ESCO2: variants seen among roughly 807,000 people sequenced by gnomAD.
ESCO2 encodes establishment of sister chromatid cohesion N-acetyltransferase 2.
A neutral mutation model predicts 61.7 loss-of-function variants in ESCO2; 51 were observed. The observed-to-expected ratio is 0.83, with a 90% CI of 0.66 to 1.04. The LOEUF is 1.04. Among genes scored for constraint, ESCO2 ranks in the 50% least tolerant of loss-of-function variants. The pLI is 0.00. For missense variants in ESCO2, 692 were observed against 686.2 expected, an observed-to-expected ratio of 1.01 and a Z score of -0.09; for synonymous variants, 230 against 238.2, an observed-to-expected ratio of 0.97 and a Z score of 0.32.
chr8:27,776,073 T>A (rs1804782662), intron 2 of ESCO2, among the ~76,000 whole-genome samples: 1 of 152,242 alleles, frequency 6.6e-6, no homozygotes. Flanking sequence ...ATAATTTATA[T>A]ATGGCCAACA....
the ESCO2 span, among the ~76,000 whole-genome samples, chr8:27,817,812 G>A: frequency 1.2e-4 from 18 of 152,166 alleles, no homozygotes; most frequent in African/African-American, 3.9e-4. Flanking sequence ...TCATTTCTGA[G>A]CTTGAGCATT....
At chr8:27,807,035 C>T (rs1232537461), downstream of ESCO2, among the ~76,000 whole-genome samples, 2 of 152,110 alleles carry the variant, frequency 1.3e-5, no homozygotes, top group African/African-American at 4.8e-5. Flanking sequence ...TTAATTAATT[C>T]TAATTTATCT....
At chr8:27,799,438 A>G in intron 9 of ESCO2, 103 bp from the exon 10 acceptor site, 2 of 1,126,908 alleles carry the variant, frequency 1.8e-6, no homozygotes, top group South Asian at 2.5e-5. Context: ...ACATACTTGG[A>G]GATATAAGTT....
At chr8:27,773,387 TC>T (rs1187210263), upstream of ESCO2, among the ~76,000 whole-genome samples, 2 of 150,724 alleles carry the variant, frequency 1.3e-5, no homozygotes, top group Admixed American at 6.6e-5. Context: ...TCAGCCCACT[TC>T]CTGCCCCCCT....
upstream of ESCO2, chr8:27,772,697 A>G: frequency 9.1e-6 from 6 of 662,242 alleles, no homozygotes; most frequent in South Asian, 1.2e-4. Context: ...CGTGGGCGCC[A>G]TTTTTAATCC....
chr8:27,784,792 T>C (rs1585397131), intron 5 of ESCO2, among the ~76,000 whole-genome samples: 1 of 152,180 alleles, frequency 6.6e-6, no homozygotes, highest in Non-Finnish European at 1.5e-5. Context: ...TCTCTCCCCA[T>C]TTGATTATAA....
chr8:27,782,340 C>A (rs1804943214), intron 4 of ESCO2, among the ~76,000 whole-genome samples: 1 of 152,200 alleles, frequency 6.6e-6, no homozygotes, highest in Non-Finnish European at 1.5e-5. Flanking sequence ...CAGCTCACTG[C>A]AACCTCTGCC....
At chr8:27,786,684 T>C (rs1805049236) in intron 5 of ESCO2, among the ~76,000 whole-genome samples, 1 of 152,220 alleles carries the variant, frequency 6.6e-6, no homozygotes, top group South Asian at 2.1e-4. Context: ...GAAATGTATT[T>C]CTTAGCATAG....
At position 27,784,076 on chromosome 8, in the gene ESCO2, T is replaced by A; in HGVS notation, c.1013+19T>A. 1 of 1,609,790 alleles carries A rather than the reference T, an allele frequency of 6.2e-7. No individual in the cohort carries two copies. The highest frequency in any genetic ancestry group is 1.1e-5 in the South Asian group (1 of 90,986). Reference sequence around the variant, plus strand: ...CAAAAAGGTGAGAATTGTTATTGTTTTAAAGTCCAAGCCTTGTAAATTATA... The same window carrying A: ...CAAAAAGGTGAGAATTGTTATTGTTATAAAGTCCAAGCCTTGTAAATTATA... On this transcript the variant is annotated intron_variant, in intron 5 of 10. Transcript: ENST00000305188.
intron 10 of ESCO2, among the ~76,000 whole-genome samples, chr8:27,803,024 C>G (rs767037265): frequency 6.6e-6 from 1 of 152,050 alleles, no homozygotes. Context: ...TGTGCCACTG[C>G]GCCTGGCCTA....
chr8:27,807,016 T>C (rs1805576598), downstream of ESCO2, among the ~76,000 whole-genome samples: 1 of 152,218 alleles, frequency 6.6e-6, no homozygotes, highest in Non-Finnish European at 1.5e-5. Flanking sequence ...ATTCACAATC[T>C]TTCTAAACTT....
upstream of ESCO2, chr8:27,772,446 G>T (rs1411240250): frequency 4.0e-6 from 6 of 1,483,404 alleles, no homozygotes; most frequent in East Asian, 2.5e-5. Context: ...GCGCAGCGGC[G>T]GACTGCGGGT....
At chr8:27,782,039 T>C (rs1185920119) in intron 4 of ESCO2, among the ~76,000 whole-genome samples, 1 of 152,188 alleles carries the variant, frequency 6.6e-6, no homozygotes, top group African/African-American at 2.4e-5. Flanking sequence ...TTCTGTCTTA[T>C]TTCTTTGTTT....
chr8:27,788,512 G>A (rs1269776690), intron 6 of ESCO2, among the ~76,000 whole-genome samples: 1 of 140,022 alleles, frequency 7.1e-6, no homozygotes, highest in Non-Finnish European at 1.6e-5. Context: ...GCATTTTTAG[G>A]TCTCTTGTCT....
At chr8:27,774,276 C>G (rs1804726598), upstream of ESCO2, 1 of 151,854 alleles carries the variant, frequency 6.6e-6, no homozygotes, top group Admixed American at 6.6e-5. Flanking sequence ...GAATGTATCT[C>G]AACTTCAACT....
downstream of ESCO2, chr8:27,808,125 T>A (rs1375032257): frequency 3.4e-6 from 2 of 590,724 alleles, no homozygotes; most frequent in African/African-American, 2.0e-5. Flanking sequence ...AGCATTTTTT[T>A]ATATATAGTT....
Position 27,781,579 on chromosome 8 carries a change from G to C in ESCO2, c.955+1312G>C, listed in dbSNP as rs201052758. Among the ~76,000 whole-genome samples the C allele has an allele frequency of 3.0e-3, 200 of 67,420 alleles. 3 individuals are homozygous for C. In the East Asian group the frequency reaches 0.056, roughly 19 times the overall value. The allele number at this position is 67,420 out of a possible 152,430, so 44.2% of individuals were successfully genotyped here. A position where few individuals can be genotyped will look rare whatever the true frequency, so the allele number is the denominator to read the frequency against. On this transcript the variant is annotated intron_variant, in intron 4 of 10. Coordinates refer to ENST00000305188, the MANE Select transcript of ESCO2 (RefSeq NM_001017420.3). The stretch of plus-strand genomic sequence containing the variant: ...GTATAGACTTTTTTTTTTTTTTTTT[G>C]AGATGGAGTTTCACTGTGTTGCTCA...
downstream of ESCO2, chr8:27,811,357 A>T: frequency 1.7e-6 from 1 of 595,090 alleles, no homozygotes; most frequent in Non-Finnish European, 3.0e-6. Context: ...GAGAAACAGC[A>T]ATTCTCTTAC....
Position 27,804,866 on chromosome 8 carries a change from TTTG to T in ESCO2, c.*1431_*1433del, listed in dbSNP as rs1295326758. 5 of 640,248 alleles carry T rather than the reference TTTG, an allele frequency of 7.8e-6. No individual in the cohort carries two copies. The highest frequency in any genetic ancestry group is 6.3e-5 in the Admixed American group (1 of 15,846). The allele number at this position is 640,248 out of a possible 1,614,324, so 39.7% of individuals were successfully genotyped here. A position where few individuals can be genotyped will look rare whatever the true frequency, so the allele number is the denominator to read the frequency against. On this transcript the variant is annotated 3_prime_UTR_variant, in exon 11 of 11. Transcript: ENST00000305188. ...ATTAACATTTTGTTTGCTTAATGCT[TTTG>T]TTATGAATCAATTAAAATTCTTTAT...
Sources: allele counts gnomAD v4.1 joint callset (sites outside exome capture counted in the v4.1 genomes callset), GRCh38; gene constraint gnomAD v4.1.1; transcripts MANE v1.5; gene names NCBI Gene and HGNC (gene_info 2026-07-23, HGNC 2026-07-21).